Variants in KHDC4 observed in about 807,000 individuals in gnomAD.
KHDC4 encodes the protein KH homology domain-containing protein 4.
KHDC4 carries 19 observed loss-of-function variants against 74.5 expected under a neutral mutation model. That is an observed-to-expected ratio of 0.26 (90% confidence interval 0.18 to 0.37). KHDC4 has a LOEUF of 0.37. Among genes scored for constraint, KHDC4 ranks in the 10% least tolerant of loss-of-function variants. The probability of loss-of-function intolerance (pLI) is 1.00; values close to 1 mark genes in which losing one functional copy is unlikely to be tolerated. For missense variants in KHDC4, 632 were observed against 754.1 expected (o/e 0.84, Z 1.90); for synonymous variants, 253 against 266.1 (o/e 0.95, Z 0.48).
At position 155,926,657 on chromosome 1, in the gene KHDC4, A is replaced by T. The variant is rs1017647806; in HGVS notation, c.681+19T>A. 1.2e-6 allele frequency: 2 copies of T among 1,612,440 alleles called. No individual in the cohort carries two copies. The highest frequency in any genetic ancestry group is 2.7e-5 in the African/African-American group (2 of 74,832). On this transcript the variant is annotated intron_variant, in intron 6 of 13. Transcript: ENST00000368321. The stretch of plus-strand genomic sequence containing the variant: ...TATAGAAATGATAATGCTATTAACG[A>T]TCCCTCCCCAAAACATACCCCTGAC...
At chr1:155,934,215 A>G in intron 1 of KHDC4, 121 bp downstream of exon 1, 2 of 1,086,746 alleles carry the variant, frequency 1.8e-6, no homozygotes, top group Non-Finnish European at 2.6e-6. Context: ...CTTCTCCCCA[A>G]ACGTCCAGCC....
At chr1:155,926,887 G>A (rs1674012733) in intron 5 of KHDC4, 48 bp from the exon 6 acceptor site, 2 of 1,590,760 alleles carry the variant, frequency 1.3e-6, no homozygotes, top group Non-Finnish European at 1.7e-6. Context: ...ACTGACTAGT[G>A]CCCAGGCAGG....
intron 11 of KHDC4, 192 bp from the exon 12 acceptor site, chr1:155,916,929 G>A (rs947606006): frequency 2.1e-6 from 1 of 480,036 alleles, no homozygotes; most frequent in Non-Finnish European, 3.7e-6. Flanking sequence ...ATAGGACTTG[G>A]ACAGGGGTGT....
At chr1:155,916,172 G>A (rs1673725288) in intron 12 of KHDC4, among the ~76,000 whole-genome samples, 1 of 151,914 alleles carries the variant, frequency 6.6e-6, no homozygotes, top group Non-Finnish European at 1.5e-5. Flanking sequence ...CGAATGAACT[G>A]TTATAGAAAG....
chr1:155,921,509 A>C lies in KHDC4; in HGVS notation c.1132T>G (p.Tyr378Asp). Residue 378 changes from tyrosine (Y) to aspartate (D), a missense_variant, in exon 10 of 14, where the codon TAC becomes GAC. Coordinates refer to ENST00000368321, the MANE Select transcript of KHDC4 (RefSeq NM_014949.4). ...GGTGGCACTATGCTTGGTACTCCGT[A>C]GGGAGGTTGAACTGGCTGCTGAGGA... ...PPPQQPVQPPYGVPSIVPPAV... is the reference protein window; with the variant it reads ...PPPQQPVQPPDGVPSIVPPAV... 2 of 1,614,128 alleles carry C rather than the reference A, an allele frequency of 1.2e-6. No individual in the cohort carries two copies. Among genetic ancestry groups the C allele is most frequent in the Non-Finnish European group, 1.7e-6 (2 of 1,180,022 alleles).
At position 155,927,832 on chromosome 1, in the gene KHDC4, C is replaced by CCACACACACACACACACACACACACACA. The variant is rs199711249; in HGVS notation, c.465-704_465-677dup. ...AAAAAAAAAAAAAAAAAAAAAAAAA[C>CCACACACACACACACACACACACACACA]CACACACACACACACACACACACAC... On this transcript the variant is annotated intron_variant, in intron 4 of 13. Transcript: ENST00000368321. Among the ~76,000 whole-genome samples the CCACACACACACACACACACACACACACA allele has an allele frequency of 3.3e-5, 3 of 90,930 alleles. No individual in the cohort carries two copies. The Admixed American group carries it at 4.6e-4, about 14-fold the overall frequency. 59.7% of individuals were successfully genotyped at this position (90,930 alleles called of 152,430 possible).
At chr1:155,926,957 C>A (rs2102605566) in intron 5 of KHDC4, 118 bp from the exon 6 acceptor site, 1 of 1,340,296 alleles carries the variant, frequency 7.5e-7, no homozygotes, top group South Asian at 1.2e-5. Context: ...TGTGGCTCTC[C>A]ATCCCTCTAA....
intron 4 of KHDC4, 76 bp from the exon 5 acceptor site, chr1:155,927,232 A>G: frequency 9.0e-7 from 1 of 1,108,414 alleles, no homozygotes; most frequent in Non-Finnish European, 1.4e-6. Context: ...CACCAGATCT[A>G]ATTTGTAATG....
In KHDC4 at chr1:155,921,896, A is replaced by G; in HGVS notation, c.977T>C (p.Phe326Ser). ...LQTVHAEYSR[F>S]VNQINTAVPL... ...TACAGCAGTATTAATCTGATTCACAAATCTAGAGTATTCAGCATGAACCTG... is the reference window on the plus strand; with the variant it reads ...TACAGCAGTATTAATCTGATTCACAGATCTAGAGTATTCAGCATGAACCTG... The change falls in exon 9 of 14, where the codon TTT (phenylalanine) becomes TCT (serine). Residue 326 changes from phenylalanine to serine, a missense_variant. Around this residue, in one of 4 missense-constraint regions of KHDC4, gnomAD observed 233 missense variants for 342.6 expected, o/e 0.68. Coordinates refer to ENST00000368321, the MANE Select transcript of KHDC4 (RefSeq NM_014949.4). 6.2e-7 allele frequency: 1 copy of G among 1,608,878 alleles called. No individual in the cohort carries two copies. Among genetic ancestry groups the G allele is most frequent in the East Asian group, 2.2e-5 (1 of 44,856 alleles).
intron 2 of KHDC4, among the ~76,000 whole-genome samples, chr1:155,931,778 T>C (rs943014348): frequency 6.6e-5 from 10 of 152,206 alleles, no homozygotes; most frequent in Non-Finnish European, 1.3e-4. Context: ...ACTTTGTGCA[T>C]TAAATACATT....
Position 155,915,960 on chromosome 1 carries a change from A to G in KHDC4, c.1558T>C (p.Leu520=). 6.3e-7 allele frequency: 1 copy of G among 1,577,824 alleles called. No homozygotes were observed. Among genetic ancestry groups the G allele is most frequent in the Non-Finnish European group, 8.6e-7 (1 of 1,163,948 alleles). The change falls in exon 13 of 14, where the codon TTG becomes CTG. Residue 520 remains leucine (L), a synonymous_variant. Coordinates refer to ENST00000368321, the MANE Select transcript of KHDC4 (RefSeq NM_014949.4). The stretch of plus-strand genomic sequence containing the variant: ...ACTGGAAAGGCTGGTGGAGGCATCA[A>G]CTGCCTATTGAAAAACAAAATGAAA... ...SGKERERDRQ[L]MPPPAFPVTG... is the part of the protein sequence containing the mutation.
Position 155,934,318 on chromosome 1 carries a change from T to A in KHDC4, c.38+18A>T. The A allele has an allele frequency of 6.2e-7, 1 of 1,607,280 alleles. No homozygotes were observed. Among genetic ancestry groups the A allele is most frequent in the Non-Finnish European group, 8.5e-7 (1 of 1,179,670 alleles). ...CGCCCCAGTGCTCGCTCCGATGCCCTCGCCCCTGAAGCCGTACCCGCCAGC... is the reference window on the plus strand; with the variant it reads ...CGCCCCAGTGCTCGCTCCGATGCCCACGCCCCTGAAGCCGTACCCGCCAGC... On this transcript the variant is annotated intron_variant, in intron 1 of 13. Coordinates refer to ENST00000368321, the MANE Select transcript of KHDC4 (RefSeq NM_014949.4).
intron 12 of KHDC4, among the ~76,000 whole-genome samples, chr1:155,916,176 T>C (rs893304403): frequency 2.0e-5 from 3 of 152,174 alleles, no homozygotes; most frequent in Non-Finnish European, 2.9e-5. Context: ...TGAACTGTTA[T>C]AGAAAGATAT....
At chr1:155,916,856 T>C in intron 11 of KHDC4, 119 bp from the exon 12 acceptor site, 1 of 665,724 alleles carries the variant, frequency 1.5e-6, no homozygotes, top group Non-Finnish European at 2.6e-6. Context: ...GTTAAACTAC[T>C]ACAAAGCTCT....
intron 13 of KHDC4, 103 bp from the exon 14 acceptor site, chr1:155,914,423 A>C: frequency 1.1e-6 from 1 of 944,250 alleles, no homozygotes; most frequent in Non-Finnish European, 1.6e-6. Flanking sequence ...TTAAGTGGTT[A>C]GTTGGACACC....
chr1:155,932,380 C>G (rs565332458), intron 2 of KHDC4: 2 of 104,262 alleles, frequency 1.9e-5, no homozygotes, highest in South Asian at 6.4e-4. Context: ...ATATTACCAA[C>G]GAGAAAGCTG....
chr1:155,925,295 T>A (rs1202018264), intron 7 of KHDC4, among the ~76,000 whole-genome samples: 1 of 152,070 alleles, frequency 6.6e-6, no homozygotes, highest in Admixed American at 6.6e-5. Flanking sequence ...CCTCCCAAAG[T>A]GCTGGGATTA....
intron 11 of KHDC4, 69 bp from the exon 12 acceptor site, chr1:155,916,806 T>TAA (rs1673741490): frequency 9.9e-7 from 1 of 1,014,094 alleles, no homozygotes; most frequent in Non-Finnish European, 1.5e-6. Context: ...CTCCTTAATG[T>TAA]AACTGTCAAG....
In KHDC4 at chr1:155,929,858, T is replaced by G; in HGVS notation, c.256-18A>C. The G allele has an allele frequency of 6.5e-7, 1 of 1,538,052 alleles. No individual in the cohort carries two copies. The highest frequency in any genetic ancestry group is 8.7e-7 in the Non-Finnish European group (1 of 1,147,428). ...GCCTGAAGCTAGAAAAAAGAGAAAT[T>G]AGATTAAAAAGTTTTTATGATGAGA... is the stretch of plus-strand genomic sequence containing the variant. On this transcript the variant is annotated intron_variant, in intron 2 of 13. Coordinates refer to ENST00000368321, the MANE Select transcript of KHDC4 (RefSeq NM_014949.4).
Sources: gnomAD v4.1 joint callset for allele counts (sites outside exome capture counted in the v4.1 genomes callset) on GRCh38, gnomAD v4.1.1 for gene constraint, gnomAD v4.1.1 regional missense constraint, MANE v1.5 for transcripts, NCBI Gene and HGNC (gene_info 2026-07-23, HGNC 2026-07-21) for gene names.